Variants in RIMS1 observed in about 807,000 individuals in gnomAD.
RIMS1 encodes regulating synaptic membrane exocytosis protein 1.
In RIMS1, 83 loss-of-function variants were observed where a neutral mutation model predicts 214.1. That is an observed-to-expected ratio of 0.39 (90% CI 0.32 to 0.47). The LOEUF is 0.47. RIMS1 is among the 20% of genes least tolerant of loss of function. The probability of loss-of-function intolerance (pLI) is 0.99; values close to 1 mark genes in which losing one functional copy is unlikely to be tolerated. For synonymous variants in RIMS1, 793 were observed against 786.8 expected (o/e 1.01, Z -0.13); for missense variants, 2,050 against 2,161.8 (o/e 0.95, Z 1.03).
At chr6:71,990,525 A>G (rs191241505) in intron 2 of RIMS1, among the ~76,000 whole-genome samples, 12 of 152,200 alleles carry the variant, frequency 7.9e-5, no homozygotes, top group South Asian at 2.1e-4. Flanking sequence ...GAATGCCACT[A>G]TCAAACTTGA....
At chr6:72,052,385 T>G (rs1274918249) in intron 2 of RIMS1, among the ~76,000 whole-genome samples, 1 of 152,228 alleles carries the variant, frequency 6.6e-6, no homozygotes, top group Non-Finnish European at 1.5e-5. Context: ...AACAGAGTAA[T>G]AGTGAGAAAT....
chr6:72,117,812 G>A (rs2037387270), intron 4 of RIMS1, among the ~76,000 whole-genome samples: 1 of 151,846 alleles, frequency 6.6e-6, no homozygotes, highest in African/African-American at 2.4e-5. Flanking sequence ...TTAAATGCCT[G>A]CATCAAAAAG....
At chr6:72,144,887 TTC>T (rs2042535226) in intron 4 of RIMS1, among the ~76,000 whole-genome samples, 4 of 151,562 alleles carry the variant, frequency 2.6e-5, no homozygotes, top group African/African-American at 2.4e-5. Context: ...TCTTTCTTTT[TTC>T]TTTTTTTTTT....
chr6:72,017,982 C>CTT (rs1813318107), intron 2 of RIMS1, among the ~76,000 whole-genome samples: 1 of 152,108 alleles, frequency 6.6e-6, no homozygotes, highest in South Asian at 2.1e-4. Flanking sequence ...TCTTTATTAG[C>CTT]CAATGGAGGC....
intron 6 of RIMS1, among the ~76,000 whole-genome samples, chr6:72,212,207 A>T (rs934535966): frequency 1.3e-5 from 2 of 151,984 alleles, no homozygotes; most frequent in African/African-American, 4.8e-5. Context: ...AGATAAAAAT[A>T]TATAATTTTT....
At chr6:72,225,008 A>C (rs2059756849) in intron 6 of RIMS1, among the ~76,000 whole-genome samples, 1 of 152,190 alleles carries the variant, frequency 6.6e-6, no homozygotes, top group Non-Finnish European at 1.5e-5. Context: ...GTGATTTTCC[A>C]CTGCCAGTCA....
chr6:72,049,193 GC>G (rs1293510508), intron 2 of RIMS1, among the ~76,000 whole-genome samples: 1 of 152,110 alleles, frequency 6.6e-6, no homozygotes, highest in Non-Finnish European at 1.5e-5. Context: ...AATCCTGGCA[GC>G]CTGGGCCCCA....
chr6:72,307,337 T>C lies in RIMS1; in HGVS notation c.3930T>C (p.Ser1310=). The C allele has an allele frequency of 1.2e-6, 2 of 1,604,062 alleles. No individual in the cohort carries two copies. Among genetic ancestry groups the C allele is most frequent in the South Asian group, 2.3e-5 (2 of 88,270 alleles). The part of the protein sequence containing the change: ...HRFKQTTGSG[S]SQELDREQYS... ...TTAAGCAGACAACAGGGTCTGGTTC[T>C]AGTCAAGAACTTGATCGCGAGCAAT... Residue 1310 remains serine (S), a synonymous_variant, in exon 27 of 34, where the codon TCT becomes TCC. Coordinates refer to ENST00000521978, the MANE Select transcript of RIMS1 (RefSeq NM_014989.7).
chr6:71,977,781 C>T (rs1482573), intron 2 of RIMS1, among the ~76,000 whole-genome samples: 1 of 152,066 alleles, frequency 6.6e-6, no homozygotes, highest in Admixed American at 6.6e-5. Context: ...AGTAAAGAAG[C>T]CCAGAGAAAG....
At chr6:72,169,684 G>A (rs2046757390) in intron 4 of RIMS1, among the ~76,000 whole-genome samples, 2 of 152,092 alleles carry the variant, frequency 1.3e-5, no homozygotes, top group Non-Finnish European at 2.9e-5. Flanking sequence ...CGGGCAGATT[G>A]CTTGAGCTCA....
chr6:72,171,456 G>GC (rs2047023039), intron 4 of RIMS1, among the ~76,000 whole-genome samples: 7 of 151,480 alleles, frequency 4.6e-5, no homozygotes, highest in South Asian at 2.1e-4. Context: ...GAATCTGATA[G>GC]CCCCCCCGAA....
chr6:72,062,148 G>A (rs1473132389), intron 2 of RIMS1, among the ~76,000 whole-genome samples: 1 of 151,932 alleles, frequency 6.6e-6, no homozygotes, highest in Admixed American at 6.6e-5. Context: ...TAGATTTAGG[G>A]GTTTTTTCTA....
chr6:72,151,367 G>A (rs547852900), intron 4 of RIMS1, among the ~76,000 whole-genome samples: 14 of 152,240 alleles, frequency 9.2e-5, no homozygotes, highest in South Asian at 2.1e-4. Context: ...AATGGAAAAC[G>A]TAACCAGCGG....
At chr6:72,270,015 C>T (rs2082266196) in intron 22 of RIMS1, among the ~76,000 whole-genome samples, 1 of 152,038 alleles carries the variant, frequency 6.6e-6, no homozygotes, top group African/African-American at 2.4e-5. Flanking sequence ...TCTGGGCCCA[C>T]CTAATTTTAT....
intron 2 of RIMS1, among the ~76,000 whole-genome samples, chr6:72,072,811 A>G (rs1387316308): frequency 2.6e-5 from 4 of 152,122 alleles, no homozygotes; most frequent in Admixed American, 2.0e-4. Context: ...AATTTCTTGG[A>G]CTGTATTCCT....
At chr6:72,200,857 T>TTG (rs70994114) in intron 6 of RIMS1, among the ~76,000 whole-genome samples, 14,509 of 146,070 alleles carry the variant, frequency 0.099, 737 homozygotes, top group Non-Finnish European at 0.12. Context: ...AAGGACACAA[T>TTG]TGTGTGTGTG....
intron 2 of RIMS1, among the ~76,000 whole-genome samples, chr6:72,050,480 C>T (rs1004058335): frequency 6.6e-6 from 1 of 152,150 alleles, no homozygotes; most frequent in Non-Finnish European, 1.5e-5. Context: ...AAGTTTCTTC[C>T]TTCCACACCT....
chr6:72,400,445 A>T (rs1479781739), intron 33 of RIMS1, 51 bp from the exon 34 acceptor site: 33 of 1,519,470 alleles, frequency 2.2e-5, no homozygotes, highest in Non-Finnish European at 3.0e-5. Flanking sequence ...AGCCCTTCGA[A>T]TGTGAAGCAG....
chr6:72,101,394 C>A (rs535079327), intron 4 of RIMS1, among the ~76,000 whole-genome samples: 2 of 151,910 alleles, frequency 1.3e-5, no homozygotes, highest in Admixed American at 1.3e-4. Flanking sequence ...TTTCTTTAAA[C>A]ACCATTTTAG....
Sources: gnomAD v4.1 joint callset for allele counts (sites outside exome capture counted in the v4.1 genomes callset) on GRCh38, gnomAD v4.1.1 for gene constraint, MANE v1.5 for transcripts, NCBI Gene and HGNC (gene_info 2026-07-23, HGNC 2026-07-21) for gene names.